MARCHF4: variants seen among roughly 807,000 people sequenced by gnomAD.
MARCHF4 encodes E3 ubiquitin-protein ligase MARCHF4.
A neutral mutation model predicts 43.9 loss-of-function variants in MARCHF4; 14 were observed. The observed-to-expected ratio is 0.32, with a 90% CI of 0.21 to 0.50. The LOEUF is 0.50. Among genes scored for constraint, MARCHF4 ranks in the 20% least tolerant of loss-of-function variants. MARCHF4 has a pLI of 0.98. For synonymous variants in MARCHF4, 226 were observed against 213.3 expected (o/e 1.06, Z -0.52); for missense variants, 468 against 536.7 (o/e 0.87, Z 1.27).
chr2:216,322,556 T>C (rs113195980), intron 1 of MARCHF4, among the ~76,000 whole-genome samples: 1 of 152,156 alleles, frequency 6.6e-6, no homozygotes, highest in Non-Finnish European at 1.5e-5. Context: ...GCACGGTGGC[T>C]CACGCCTGTA....
At chr2:216,281,846 C>A (rs1459199509) in intron 2 of MARCHF4, among the ~76,000 whole-genome samples, 1 of 152,098 alleles carries the variant, frequency 6.6e-6, no homozygotes, top group Non-Finnish European at 1.5e-5. Flanking sequence ...CCTTATAGAT[C>A]CATATTGCTA....
chr2:216,332,190 A>G (rs1692089600), intron 1 of MARCHF4, among the ~76,000 whole-genome samples: 1 of 152,174 alleles, frequency 6.6e-6, no homozygotes, highest in Non-Finnish European at 1.5e-5. Context: ...CAGGAATTTG[A>G]GATCAGCCTG....
chr2:216,364,726 C>T (rs1040545113), intron 1 of MARCHF4, among the ~76,000 whole-genome samples: 3 of 152,144 alleles, frequency 2.0e-5, no homozygotes, highest in Admixed American at 6.5e-5. Flanking sequence ...TGTCCATACA[C>T]GTTGGTCCAA....
chr2:216,341,474 T>C (rs1346132977), intron 1 of MARCHF4, among the ~76,000 whole-genome samples: 2 of 151,938 alleles, frequency 1.3e-5, no homozygotes, highest in Non-Finnish European at 2.9e-5. Context: ...GTGCAAAGGG[T>C]AGCATCTGGG....
intron 1 of MARCHF4, among the ~76,000 whole-genome samples, chr2:216,354,495 A>G (rs1296781012): frequency 6.6e-6 from 1 of 152,054 alleles, no homozygotes; most frequent in Non-Finnish European, 1.5e-5. Context: ...CACGGCACTC[A>G]TTATGTTTTG....
chr2:216,337,612 A>G (rs974206878), intron 1 of MARCHF4, among the ~76,000 whole-genome samples: 5 of 152,246 alleles, frequency 3.3e-5, no homozygotes, highest in African/African-American at 7.2e-5. Context: ...TTAGCTTAGA[A>G]GCCAGGACAC....
intron 1 of MARCHF4, among the ~76,000 whole-genome samples, chr2:216,347,186 G>A (rs945987096): frequency 5.9e-5 from 9 of 152,242 alleles, no homozygotes; most frequent in Non-Finnish European, 5.9e-5. Flanking sequence ...TGATAGCAGT[G>A]TAAGAATGGT....
chr2:216,358,453 T>C (rs966997388), intron 1 of MARCHF4, among the ~76,000 whole-genome samples: 1 of 152,174 alleles, frequency 6.6e-6, no homozygotes, highest in Non-Finnish European at 1.5e-5. Flanking sequence ...CTGCTATAGA[T>C]AGAAGGAGGA....
At chr2:216,303,334 T>G (rs1691525212) in intron 1 of MARCHF4, 1 of 152,328 alleles carries the variant, frequency 6.6e-6, no homozygotes, top group African/African-American at 2.4e-5. Flanking sequence ...CCCAGGCTCC[T>G]GTGCTTAATC....
chr2:216,303,860 G>C (rs1691537710), intron 1 of MARCHF4, among the ~76,000 whole-genome samples: 1 of 152,184 alleles, frequency 6.6e-6, no homozygotes, highest in African/African-American at 2.4e-5. Flanking sequence ...CCAGATTCCA[G>C]GAATTGCTTA....
At chr2:216,336,412 C>T (rs1435793752) in intron 1 of MARCHF4, among the ~76,000 whole-genome samples, 1 of 152,124 alleles carries the variant, frequency 6.6e-6, no homozygotes, top group Non-Finnish European at 1.5e-5. Flanking sequence ...GAAAACCCAT[C>T]CACTCAGACT....
At chr2:216,344,066 G>A (rs78958906) in intron 1 of MARCHF4, among the ~76,000 whole-genome samples, 3,937 of 152,222 alleles carry the variant, frequency 0.026, 154 homozygotes, top group African/African-American at 0.085. Flanking sequence ...TAGCAATGTA[G>A]AGAATTTGGG....
intron 1 of MARCHF4, among the ~76,000 whole-genome samples, chr2:216,354,096 A>G (rs1243810875): frequency 2.6e-5 from 4 of 152,188 alleles, no homozygotes; most frequent in African/African-American, 7.2e-5. Context: ...TATTACAGAA[A>G]GGTCATTAGG....
chr2:216,347,601 G>A (rs1034059544), intron 1 of MARCHF4, among the ~76,000 whole-genome samples: 1 of 151,976 alleles, frequency 6.6e-6, no homozygotes, highest in African/African-American at 2.4e-5. Flanking sequence ...GGTGGTGGGC[G>A]CCTGTAATCC....
At chr2:216,332,909 T>G (rs1692102062) in intron 1 of MARCHF4, among the ~76,000 whole-genome samples, 2 of 152,166 alleles carry the variant, frequency 1.3e-5, no homozygotes, top group African/African-American at 2.4e-5. Context: ...GGTAGGGTGG[T>G]GAGGGAAAGT....
At chr2:216,350,829 G>A (rs992798296) in intron 1 of MARCHF4, among the ~76,000 whole-genome samples, 3 of 152,170 alleles carry the variant, frequency 2.0e-5, no homozygotes, top group Non-Finnish European at 4.4e-5. Context: ...AAAAGTTATT[G>A]AGACGGAACC....
chr2:216,302,385 A>AT (rs371839329), intron 1 of MARCHF4, among the ~76,000 whole-genome samples: 129 of 139,832 alleles, frequency 9.2e-4, no homozygotes, highest in East Asian at 1.7e-3. Context: ...CGCCCATCTA[A>AT]TTTTTTTTTT....
intron 1 of MARCHF4, among the ~76,000 whole-genome samples, chr2:216,325,888 A>T (rs1303244858): frequency 5.4e-5 from 8 of 147,508 alleles, no homozygotes; most frequent in Non-Finnish European, 1.2e-4. Context: ...ACCATTCAGG[A>T]CATAGGCATG....
At chr2:216,332,336 G>C (rs866076857) in intron 1 of MARCHF4, among the ~76,000 whole-genome samples, 4 of 151,226 alleles carry the variant, frequency 2.6e-5, no homozygotes, top group South Asian at 2.1e-4. Flanking sequence ...AAGTTGCAGT[G>C]CGCCGAGATT....
Sources: gnomAD v4.1 joint callset for allele counts (sites outside exome capture counted in the v4.1 genomes callset) on GRCh38, gnomAD v4.1.1 for gene constraint, MANE v1.5 for transcripts, NCBI Gene and HGNC (gene_info 2026-07-23, HGNC 2026-07-21) for gene names.